The following GPAM variants were observed in gnomAD, a reference collection of about 807,000 sequenced individuals.
The protein encoded by GPAM is glycerol-3-phosphate acyltransferase, mitochondrial.
Under a neutral mutation model 105.0 loss-of-function variants are expected in GPAM, and 56 were observed. That is an observed-to-expected ratio of 0.53 (90% CI 0.43 to 0.67). GPAM has a LOEUF of 0.67. GPAM is among the 30% of genes least tolerant of loss of function. GPAM has a pLI of 0.00. For missense variants in GPAM, 855 were observed against 989.8 expected (o/e 0.86, Z 1.83); for synonymous variants, 368 against 354.4 (o/e 1.04, Z -0.43).
Position 112,152,648 on chromosome 10 carries a change from T to A in GPAM, c.*902A>T. On this transcript the variant is annotated 3_prime_UTR_variant, in exon 22 of 22. Transcript: ENST00000348367. ...CTCAAGCTAATCAAGTTAGGAAAACTGCTATTTGGTTGGAGGATTTCCAAG... is the reference window on the plus strand; with the variant it reads ...CTCAAGCTAATCAAGTTAGGAAAACAGCTATTTGGTTGGAGGATTTCCAAG... The A allele has an allele frequency of 2.0e-6, 2 of 985,330 alleles. No individual in the cohort carries two copies. The highest frequency in any genetic ancestry group is 2.4e-6 in the Non-Finnish European group (2 of 829,790). 61.0% of individuals were successfully genotyped at this position (985,330 alleles called of 1,614,324 possible).
In GPAM at chr10:112,150,223, A is replaced by G. The variant is rs1846890519; in HGVS notation, c.*3327T>C. On this transcript the variant is annotated 3_prime_UTR_variant, in exon 22 of 22. Coordinates refer to ENST00000348367, the MANE Select transcript of GPAM (RefSeq NM_001244949.2). ...TTACAGCCCATAGTAAGTCTTAGAA[A>G]CCTCAACGATAGGTCCTGTCATGTC... The G allele has an allele frequency of 1.0e-6, 1 of 984,452 alleles. No homozygotes were observed. The highest frequency in any genetic ancestry group is 1.2e-6 in the Non-Finnish European group (1 of 829,126). 61.0% of individuals were successfully genotyped at this position (984,452 alleles called of 1,614,324 possible). A position where few individuals can be genotyped will look rare whatever the true frequency, so the allele number is the denominator to read the frequency against.
intron 18 of GPAM, 41 bp downstream of exon 18, chr10:112,158,275 A>C: frequency 8.9e-7 from 1 of 1,117,326 alleles, no homozygotes; most frequent in Non-Finnish European, 1.4e-6. Context: ...GGGAATGAAG[A>C]GTAAGTATAA....
At chr10:112,223,050 G>C in the GPAM span, among the ~76,000 whole-genome samples, 1 of 152,134 alleles carries the variant, frequency 6.6e-6, no homozygotes, top group Non-Finnish European at 1.5e-5. Flanking sequence ...ATAGGAGCCA[G>C]GCCTCTCCCT....
chr10:112,222,677 A>G, the GPAM span, among the ~76,000 whole-genome samples: 1 of 152,028 alleles, frequency 6.6e-6, no homozygotes, highest in Non-Finnish European at 1.5e-5. Flanking sequence ...CTACTCCACT[A>G]TGCACCCCCT....
chr10:112,180,612 A>G lies in GPAM; in HGVS notation c.103-17T>C, dbSNP rs1161756094. 3.7e-6 allele frequency: 6 copies of G among 1,601,696 alleles called. No individual in the cohort carries two copies. The highest frequency in any genetic ancestry group is 5.1e-6 in the Non-Finnish European group (6 of 1,168,964). ...ACACTCACCCTGACAAATATTAAGA[A>G]AAAAATATAGTTTCTAAATGGCAAG... On this transcript the variant is annotated splice_polypyrimidine_tract_variant and intron_variant, in intron 3 of 21. Transcript: ENST00000348367.
At chr10:112,222,814 C>A in the GPAM span, among the ~76,000 whole-genome samples, 1 of 152,154 alleles carries the variant, frequency 6.6e-6, no homozygotes, top group Non-Finnish European at 1.5e-5. Flanking sequence ...AGGCCTAGCA[C>A]AGAGCCAGGC....
intron 1 of GPAM, among the ~76,000 whole-genome samples, chr10:112,201,447 C>G (rs1468452200): frequency 6.6e-6 from 1 of 152,164 alleles, no homozygotes; most frequent in African/African-American, 2.4e-5. Context: ...CCCCTGCCTA[C>G]CTCTCCTCCC....
At chr10:112,157,627 AC>A (rs1410433682) in intron 18 of GPAM, among the ~76,000 whole-genome samples, 1 of 152,004 alleles carries the variant, frequency 6.6e-6, no homozygotes, top group African/African-American at 2.4e-5. Flanking sequence ...AAATAAAAGT[AC>A]CCCCACATGT....
chr10:112,171,674 C>T (rs965421927), intron 9 of GPAM, among the ~76,000 whole-genome samples: 1 of 152,178 alleles, frequency 6.6e-6, no homozygotes, highest in African/African-American at 2.4e-5. Flanking sequence ...CTGAATGGAA[C>T]GCATTGAGGA....
At chr10:112,200,804 T>A (rs1029635342) in intron 1 of GPAM, among the ~76,000 whole-genome samples, 2 of 152,226 alleles carry the variant, frequency 1.3e-5, no homozygotes, top group African/African-American at 4.8e-5. Context: ...TACTGTGGAA[T>A]ACTGTGTAGC....
intron 20 of GPAM, chr10:112,154,904 G>A: frequency 3.3e-6 from 2 of 601,844 alleles, no homozygotes; most frequent in South Asian, 3.9e-5. Flanking sequence ...CTATATTGAG[G>A]TAAATAAGAA....
chr10:112,218,344 G>A (rs1410890114), upstream of GPAM, among the ~76,000 whole-genome samples: 1 of 152,230 alleles, frequency 6.6e-6, no homozygotes, highest in African/African-American at 2.4e-5. Context: ...AGAAAACAGA[G>A]CGACTATGGA....
At chr10:112,204,685 G>A (rs1161408776) in intron 1 of GPAM, among the ~76,000 whole-genome samples, 1 of 151,072 alleles carries the variant, frequency 6.6e-6, no homozygotes, top group East Asian at 2.0e-4. Flanking sequence ...GATCATAGTA[G>A]ACATGCAATA....
Position 112,153,378 on chromosome 10 carries a change from A to C in GPAM, c.*172T>G, listed in dbSNP as rs940915839. The C allele has an allele frequency of 2.6e-5, 41 of 1,559,310 alleles. No homozygotes were observed. The highest frequency in any genetic ancestry group is 3.4e-5 in the Non-Finnish European group (39 of 1,158,966). ...TCTGCAGGCTGCTGTGTTGATGCAGAGCTGGGAAGATCACAGATCCATGGA... is the reference window on the plus strand; with the variant it reads ...TCTGCAGGCTGCTGTGTTGATGCAGCGCTGGGAAGATCACAGATCCATGGA... On this transcript the variant is annotated 3_prime_UTR_variant, in exon 22 of 22. Transcript: ENST00000348367.
intron 1 of GPAM, chr10:112,214,214 A>G (rs977785240): frequency 2.0e-5 from 3 of 152,258 alleles, no homozygotes; most frequent in Non-Finnish European, 4.4e-5. Flanking sequence ...GTACTTGGGA[A>G]TAAAGACAGA....
At chr10:112,165,523 C>G (rs1019584863) in intron 12 of GPAM, among the ~76,000 whole-genome samples, 15 of 152,136 alleles carry the variant, frequency 9.9e-5, no homozygotes, top group African/African-American at 3.4e-4. Flanking sequence ...AACCCCGTCT[C>G]TACTAAAAAT....
At chr10:112,188,215 TAGGAAA>T (rs1467760478), upstream of GPAM, among the ~76,000 whole-genome samples, 4 of 152,008 alleles carry the variant, frequency 2.6e-5, no homozygotes, top group Non-Finnish European at 5.9e-5. Context: ...AATTTTTAAG[TAGGAAA>T]ATAAAAAACA....
intron 1 of GPAM, among the ~76,000 whole-genome samples, chr10:112,199,964 A>T (rs1847773743): frequency 2.0e-5 from 3 of 152,014 alleles, no homozygotes; most frequent in Admixed American, 1.3e-4. Context: ...AAGTATACAT[A>T]TCAAAACATC....
chr10:112,188,124 A>C (rs1257581018), upstream of GPAM, among the ~76,000 whole-genome samples: 2 of 152,176 alleles, frequency 1.3e-5, no homozygotes, highest in Non-Finnish European at 2.9e-5. Flanking sequence ...TTCAGCCTTA[A>C]GAAAAAAGTA....
Sources: gnomAD v4.1 joint callset for allele counts (sites outside exome capture counted in the v4.1 genomes callset) on GRCh38, gnomAD v4.1.1 for gene constraint, MANE v1.5 for transcripts, NCBI Gene and HGNC (gene_info 2026-07-23, HGNC 2026-07-21) for gene names.